USP31: variants seen among roughly 807,000 people sequenced by gnomAD.
The protein encoded by USP31 is ubiquitin specific peptidase 31, also known as ubiquitin carboxyl-terminal hydrolase 31.
USP31 carries 44 observed loss-of-function variants against 119.4 expected under a neutral mutation model. The observed-to-expected ratio is 0.37, with a 90% CI of 0.29 to 0.47. The LOEUF (loss-of-function observed/expected upper bound fraction) is 0.47. Among genes scored for constraint, USP31 ranks in the 20% least tolerant of loss-of-function variants. USP31 has a pLI of 0.99. For missense variants in USP31, 1,643 were observed against 1,730.2 expected (o/e 0.95, Z 0.89); for synonymous variants, 749 against 705.6 (o/e 1.06, Z -0.97).
Position 23,064,015 on chromosome 16 carries a change from C to T in USP31, c.*4031G>A, listed in dbSNP as rs1347068188. On this transcript the variant is annotated 3_prime_UTR_variant, in exon 16 of 16. Transcript: ENST00000219689. ...TTATGAAATGAAAGTTAAAGACAGC[C>T]TGCACAGTAACAGCTACTTTTTGTG... The T allele has an allele frequency of 5.2e-5, 8 of 152,574 alleles. No homozygotes were observed. The East Asian group carries it at 1.4e-3, about 26-fold the overall frequency. 9.5% of individuals were successfully genotyped at this position (152,574 alleles called of 1,614,324 possible). A position where few individuals can be genotyped will look rare whatever the true frequency, so the allele number is the denominator to read the frequency against.
chr16:23,104,396 G>A (rs1447124337), intron 5 of USP31, among the ~76,000 whole-genome samples: 2 of 152,216 alleles, frequency 1.3e-5, no homozygotes, highest in African/African-American at 4.8e-5. Context: ...AAAGGAGCCA[G>A]ACAGTGCTGG....
At chr16:23,075,466 T>G (rs1229915438) in intron 13 of USP31, among the ~76,000 whole-genome samples, 2 of 152,200 alleles carry the variant, frequency 1.3e-5, no homozygotes, top group Non-Finnish European at 2.9e-5. Flanking sequence ...TTGCTTTTCT[T>G]CCTAGAACTA....
Position 23,069,159 on chromosome 16 carries a change from T to C in USP31, c.2946A>G (p.Pro982=). Residue 982 remains proline, a synonymous_variant, in exon 16 of 16, where the codon CCA becomes CCG. Transcript: ENST00000219689. ...AAGCGATCTGATTATTGTTATCAAA[T>C]GGACCAGAGAGCGGGGGCAGGCGGT... ...QGDRLPPLSG[P]FDNNNQIAYV... is the part of the protein sequence containing the mutation. 1.9e-6 allele frequency: 3 copies of C among 1,614,120 alleles called. No homozygotes were observed. The highest frequency in any genetic ancestry group is 2.5e-6 in the Non-Finnish European group (3 of 1,180,024).
rs1899968455 is a variant in USP31 at position 23,064,080 on chromosome 16, C to G, written c.*3966G>C. On this transcript the variant is annotated 3_prime_UTR_variant, in exon 16 of 16. Coordinates refer to ENST00000219689, the MANE Select transcript of USP31 (RefSeq NM_020718.4). ...GTACTGGTTTGTCAGCAAAGTTTGC[C>G]TTTCTCAACTACAAATAATACAAAG... 1 of 152,596 alleles carries G rather than the reference C, an allele frequency of 6.6e-6. No homozygotes were observed. The highest frequency in any genetic ancestry group is 2.4e-5 in the African/African-American group (1 of 41,446). The allele number at this position is 152,596 out of a possible 1,614,324, so 9.5% of individuals were successfully genotyped here.
intron 9 of USP31, among the ~76,000 whole-genome samples, chr16:23,086,731 C>T (rs112457488): frequency 0.024 from 3,692 of 152,190 alleles, 55 homozygotes; most frequent in African/African-American, 0.038. Context: ...TTGTGGAACA[C>T]GGGCTTTATT....
chr16:23,105,700 G>T, intron 4 of USP31, 124 bp from the exon 5 acceptor site: 1 of 1,136,758 alleles, frequency 8.8e-7, no homozygotes, highest in Non-Finnish European at 1.1e-6. Context: ...TTACTCGGAA[G>T]CCCAAATGGA....
intron 1 of USP31, among the ~76,000 whole-genome samples, chr16:23,131,687 C>T (rs1427159615): frequency 6.6e-6 from 1 of 152,002 alleles, no homozygotes; most frequent in African/African-American, 2.4e-5. Flanking sequence ...ATGGAACCTG[C>T]CATCATCAGC....
At chr16:23,108,392 A>G (rs117879349) in intron 1 of USP31, among the ~76,000 whole-genome samples, 3,500 of 152,298 alleles carry the variant, frequency 0.023, 60 homozygotes, top group Non-Finnish European at 0.036. Flanking sequence ...TAATCCAGCA[A>G]TCTTACTTTT....
chr16:23,062,945 G>A lies in USP31; in HGVS notation c.*5101C>T, dbSNP rs757559364. 4.9e-4 allele frequency: 75 copies of A among 152,586 alleles called. No homozygotes were observed. Among genetic ancestry groups the A allele is most frequent in the Non-Finnish European group, 7.8e-4 (53 of 68,038 alleles). 9.5% of individuals were successfully genotyped at this position (152,586 alleles called of 1,614,324 possible). ...TTCTCGCCATAATTCTCAGTAAAGGGATGACGTATCATAGTGGTTCTCAAT... is the reference window on the plus strand; with the variant it reads ...TTCTCGCCATAATTCTCAGTAAAGGAATGACGTATCATAGTGGTTCTCAAT... On this transcript the variant is annotated 3_prime_UTR_variant, in exon 16 of 16. Coordinates refer to ENST00000219689, the MANE Select transcript of USP31 (RefSeq NM_020718.4).
At chr16:23,071,912 G>T in intron 15 of USP31, 133 bp downstream of exon 15, 2 of 1,237,172 alleles carry the variant, frequency 1.6e-6, no homozygotes, top group Non-Finnish European at 2.2e-6. Context: ...CAGCTACACA[G>T]CTCCACTCCC....
chr16:23,131,783 GATT>G (rs1007887179), intron 1 of USP31, among the ~76,000 whole-genome samples: 3 of 152,084 alleles, frequency 2.0e-5, no homozygotes, highest in African/African-American at 7.2e-5. Flanking sequence ...CCATCACTGT[GATT>G]ATTATTGTTT....
chr16:23,078,222 GA>G (rs568322275), intron 13 of USP31, among the ~76,000 whole-genome samples: 46 of 146,550 alleles, frequency 3.1e-4, no homozygotes, highest in Non-Finnish European at 4.8e-4. Flanking sequence ...TGAGGCAGGA[GA>G]ATTGCTTGAA....
intron 1 of USP31, among the ~76,000 whole-genome samples, chr16:23,144,104 A>C (rs561085974): frequency 9.9e-5 from 15 of 152,274 alleles, no homozygotes; most frequent in Middle Eastern, 3.4e-3. Flanking sequence ...AAAACCAAAA[A>C]CCATCTACTT....
intron 12 of USP31, among the ~76,000 whole-genome samples, chr16:23,080,562 T>A (rs1172037042): frequency 6.6e-6 from 1 of 152,220 alleles, no homozygotes; most frequent in African/African-American, 2.4e-5. Flanking sequence ...CAGCGCCTGG[T>A]GCAGAAGAGC....
chr16:23,108,901 C>T (rs909466062), intron 1 of USP31, among the ~76,000 whole-genome samples: 4 of 152,164 alleles, frequency 2.6e-5, no homozygotes, highest in Admixed American at 6.5e-5. Flanking sequence ...TACATAACAA[C>T]TTCAAGATTC....
At chr16:23,086,821 C>G (rs1901129541) in intron 9 of USP31, among the ~76,000 whole-genome samples, 1 of 152,164 alleles carries the variant, frequency 6.6e-6, no homozygotes, top group Non-Finnish European at 1.5e-5. Context: ...AAACTTCATT[C>G]CTGGTGAATA....
At chr16:23,113,297 C>T (rs7204492) in intron 1 of USP31, among the ~76,000 whole-genome samples, 41,548 of 151,952 alleles carry the variant, frequency 0.27, 6,115 homozygotes, top group Admixed American at 0.34. Flanking sequence ...GAAAGAGATC[C>T]GAGCTGGAAA....
intron 13 of USP31, among the ~76,000 whole-genome samples, chr16:23,078,307 T>TCG (rs1162272549): frequency 1.0e-5 from 1 of 96,782 alleles, no homozygotes; most frequent in Non-Finnish European, 2.0e-5. Context: ...CGAGACTCCG[T>TCG]CGCAAAAAAA....
Position 23,072,073 on chromosome 16 carries a change from C to T in USP31, c.2460G>A (p.Glu820=). ...TSLASLSESV[E]MTGERSEDDG... ...CATCTTCACTCCTTTCTCCAGTCATCTCCACGGACTCAGAGAGCGACGCCA... is the reference window on the plus strand; with the variant it reads ...CATCTTCACTCCTTTCTCCAGTCATTTCCACGGACTCAGAGAGCGACGCCA... The change falls in exon 15 of 16, where the codon GAG becomes GAA. Residue 820 remains glutamate (E), a synonymous_variant. Coordinates refer to ENST00000219689, the MANE Select transcript of USP31 (RefSeq NM_020718.4). The T allele has an allele frequency of 1.2e-6, 2 of 1,613,700 alleles. No individual in the cohort carries two copies. The highest frequency in any genetic ancestry group is 1.7e-6 in the Non-Finnish European group (2 of 1,179,804).
Sources: gnomAD v4.1 joint callset for allele counts (sites outside exome capture counted in the v4.1 genomes callset) on GRCh38, gnomAD v4.1.1 for gene constraint, MANE v1.5 for transcripts, NCBI Gene and HGNC (gene_info 2026-07-23, HGNC 2026-07-21) for gene names.